CCDC25: variants seen among roughly 807,000 people sequenced by gnomAD.
CCDC25 encodes coiled-coil domain-containing protein 25.
In CCDC25, 16 loss-of-function variants were observed where a neutral mutation model predicts 35.3. That is an observed-to-expected ratio of 0.45 (90% CI 0.31 to 0.69). The LOEUF is 0.69. CCDC25 is among the 30% of genes least tolerant of loss of function. The probability of loss-of-function intolerance (pLI) is 0.06; values close to 1 mark genes in which losing one functional copy is unlikely to be tolerated. For synonymous variants in CCDC25, 79 were observed against 80.3 expected, an observed-to-expected ratio of 0.98 and a Z score of 0.09; for missense variants, 179 against 250.7, an observed-to-expected ratio of 0.71 and a Z score of 1.93.
At position 27,739,166 on chromosome 8, in the gene CCDC25, T is replaced by C. The variant is rs141159028; in HGVS notation, c.597+1306A>G. 3.1e-3 allele frequency among the ~76,000 whole-genome samples: 477 copies of C among 152,304 alleles called. 2 individuals carry two copies. The highest frequency in any genetic ancestry group is 9.3e-3 in the African/African-American group (387 of 41,574). ...CCCCACCTCAATTAGCACATGACAGTTAAGTCTCTAAACTTCAAATTCAAA... is the reference window on the plus strand; with the variant it reads ...CCCCACCTCAATTAGCACATGACAGCTAAGTCTCTAAACTTCAAATTCAAA... On this transcript the variant is annotated intron_variant, in intron 8 of 8. Coordinates refer to ENST00000356537, the MANE Select transcript of CCDC25 (RefSeq NM_018246.3).
At chr8:27,740,634 G>T in intron 7 of CCDC25, 117 bp from the exon 8 acceptor site, 1 of 777,846 alleles carries the variant, frequency 1.3e-6, no homozygotes, top group Non-Finnish European at 2.1e-6. Flanking sequence ...AAACACAAGA[G>T]CTATTAGATA....
intron 4 of CCDC25, among the ~76,000 whole-genome samples, chr8:27,755,123 C>A (rs1803953310): frequency 6.6e-6 from 1 of 152,140 alleles, no homozygotes; most frequent in Non-Finnish European, 1.5e-5. Flanking sequence ...ACAGAAGGAT[C>A]GGTCTAGATC....
chr8:27,748,663 A>G, intron 5 of CCDC25, 65 bp from the exon 6 acceptor site: 1 of 1,154,888 alleles, frequency 8.7e-7, no homozygotes, highest in African/African-American at 1.5e-5. Flanking sequence ...TCCCTTACCC[A>G]CTGGCAAACT....
intron 1 of CCDC25, among the ~76,000 whole-genome samples, chr8:27,771,292 A>T (rs1804605704): frequency 6.6e-6 from 1 of 152,178 alleles, no homozygotes; most frequent in South Asian, 2.1e-4. Flanking sequence ...CCACAGGTTT[A>T]AGTATACTCT....
At chr8:27,765,749 T>G (rs978187459) in intron 1 of CCDC25, among the ~76,000 whole-genome samples, 9 of 152,224 alleles carry the variant, frequency 5.9e-5, no homozygotes, top group Non-Finnish European at 1.2e-4. Flanking sequence ...TGCTGCATAT[T>G]CTAACAGGCT....
intron 1 of CCDC25, among the ~76,000 whole-genome samples, chr8:27,769,460 T>C (rs1804511813): frequency 6.6e-6 from 1 of 152,248 alleles, no homozygotes. Flanking sequence ...CCTGTATATT[T>C]GTTTTTCCAT....
Position 27,772,528 on chromosome 8 carries a change from A to C in CCDC25, c.13T>G (p.Phe5Val). 4 of 1,549,950 alleles carry C rather than the reference A, an allele frequency of 2.6e-6. No homozygotes were observed. Among genetic ancestry groups the C allele is most frequent in the Non-Finnish European group, 3.5e-6 (4 of 1,146,702 alleles). The change falls in exon 1 of 9, where the codon TTC (phenylalanine) becomes GTC (valine). Residue 5 changes from phenylalanine (F) to valine (V), a missense_variant. Phe to Val is a conservative substitution (Grantham distance 50, BLOSUM62 -1). Coordinates refer to ENST00000356537, the MANE Select transcript of CCDC25 (RefSeq NM_018246.3). ...GCCCACTCACCGCTGCTGCTGGTGA[A>C]GTAGAACACCATGATCCCGGGAGCG... is the stretch of plus-strand genomic sequence containing the variant. MVFY[F>V]TSSSVNSSAY...
In CCDC25 at chr8:27,748,542, T is replaced by A. The variant is rs762121706; in HGVS notation, c.301A>T (p.Thr101Ser). ...VYTPWSNLKK[T>S]ADMDVGQIGF... ...ATCTGCCCCACATCCATGTCAGCTG[T>A]TTTCTTCAGGTTAGACCACGGCGTA... Residue 101 changes from threonine to serine, a missense_variant, in exon 6 of 9, where the codon ACA becomes TCA. Physicochemically the swap from Thr to Ser is moderately conservative, Grantham distance 58. Transcript: ENST00000356537. 28 of 1,613,504 alleles carry A rather than the reference T, an allele frequency of 1.7e-5. No homozygotes were observed. Among genetic ancestry groups the A allele is most frequent in the Non-Finnish European group, 2.4e-5 (28 of 1,179,958 alleles).
intron 5 of CCDC25, among the ~76,000 whole-genome samples, chr8:27,751,570 G>A (rs950266838): frequency 2.6e-5 from 4 of 152,100 alleles, no homozygotes; most frequent in Admixed American, 6.5e-5. Context: ...CTGTGGGTCC[G>A]CCCCATGTTT....
rs1348753481 is a variant in CCDC25, at chr8:27,772,601, A to G, written c.-61T>C. On this transcript the variant is annotated 5_prime_UTR_variant, in exon 1 of 9. Coordinates refer to ENST00000356537, the MANE Select transcript of CCDC25 (RefSeq NM_018246.3). ...CAGCAGCGCTCAACTCACGAAGCTCAGGATACCAGACTCGCGGCGGCCGCC... is the reference window on the plus strand; with the variant it reads ...CAGCAGCGCTCAACTCACGAAGCTCGGGATACCAGACTCGCGGCGGCCGCC... 3 of 1,507,592 alleles carry G rather than the reference A, an allele frequency of 2.0e-6. No homozygotes were observed. The highest frequency in any genetic ancestry group is 2.0e-5 in the Admixed American group (1 of 50,014). 93.4% of individuals were successfully genotyped at this position (1,507,592 alleles called of 1,614,324 possible).
intron 7 of CCDC25, among the ~76,000 whole-genome samples, chr8:27,741,154 C>A (rs987941014): frequency 6.6e-6 from 1 of 152,206 alleles, no homozygotes; most frequent in Non-Finnish European, 1.5e-5. Flanking sequence ...GATTGCACGA[C>A]TGAACACAAT....
At position 27,735,487 on chromosome 8, in the gene CCDC25, C is replaced by T. The variant is rs553065228; in HGVS notation, c.*729G>A. 6.6e-6 allele frequency: 1 copy of T among 152,310 alleles called. No individual in the cohort carries two copies. The highest frequency in any genetic ancestry group is 2.1e-4 in the South Asian group (1 of 4,820). The allele number at this position is 152,310 out of a possible 1,614,324, so 9.4% of individuals were successfully genotyped here. A position where few individuals can be genotyped will look rare whatever the true frequency, so the allele number is the denominator to read the frequency against. On this transcript the variant is annotated 3_prime_UTR_variant, in exon 9 of 9. Coordinates refer to ENST00000356537, the MANE Select transcript of CCDC25 (RefSeq NM_018246.3). Reference sequence around the variant, plus strand: ...TACCCTCAATGCTGAGAAATTACTCCTGGGCCCAGAAGTTGTCACATAGGT... The same window carrying T: ...TACCCTCAATGCTGAGAAATTACTCTTGGGCCCAGAAGTTGTCACATAGGT...
intron 5 of CCDC25, among the ~76,000 whole-genome samples, chr8:27,749,017 C>G (rs549325770): frequency 1.3e-5 from 2 of 152,138 alleles, no homozygotes; most frequent in African/African-American, 2.4e-5. Context: ...GGGACTACCA[C>G]GAGCTAGCCG....
At chr8:27,766,292 C>G (rs1804397468) in intron 1 of CCDC25, among the ~76,000 whole-genome samples, 1 of 152,190 alleles carries the variant, frequency 6.6e-6, no homozygotes, top group Non-Finnish European at 1.5e-5. Flanking sequence ...CACACATGTA[C>G]CTGGAGCCCT....
intron 4 of CCDC25, among the ~76,000 whole-genome samples, chr8:27,756,075 G>C (rs1475304120): frequency 6.6e-6 from 1 of 152,120 alleles, no homozygotes; most frequent in East Asian, 1.9e-4. Flanking sequence ...TGTTGATGAT[G>C]GGGGAAACTA....
chr8:27,765,146 G>C, intron 2 of CCDC25, 58 bp downstream of exon 2: 8 of 1,449,126 alleles, frequency 5.5e-6, no homozygotes, highest in East Asian at 2.6e-5. Flanking sequence ...AAGGTGGTGA[G>C]TGAGAGATAA....
intron 3 of CCDC25, among the ~76,000 whole-genome samples, chr8:27,760,195 A>G (rs1379946391): frequency 6.6e-6 from 1 of 152,162 alleles, no homozygotes; most frequent in Non-Finnish European, 1.5e-5. Context: ...GAAATGAAAA[A>G]CTGAGGTCAT....
chr8:27,747,947 G>T, intron 7 of CCDC25, 130 bp downstream of exon 7: 1 of 869,390 alleles, frequency 1.2e-6, no homozygotes, highest in Non-Finnish European at 1.8e-6. Flanking sequence ...CTGATTTAAG[G>T]TTGAGCTTAA....
rs771475514 is a variant in CCDC25, at chr8:27,740,563, A to G, written c.552-46T>C. The G allele has an allele frequency of 2.6e-6, 4 of 1,540,140 alleles. No homozygotes were observed. In the Admixed American group the frequency reaches 6.8e-5, roughly 26 times the overall value. On this transcript the variant is annotated intron_variant, in intron 7 of 8. Coordinates refer to ENST00000356537, the MANE Select transcript of CCDC25 (RefSeq NM_018246.3). ...ACACACATTTAAAATATGGTGATCC[A>G]GTCAACAAATATTTGATGAACATTT... is the stretch of plus-strand genomic sequence containing the variant.
Sources: allele counts gnomAD v4.1 joint callset (sites outside exome capture counted in the v4.1 genomes callset), GRCh38; gene constraint gnomAD v4.1.1; transcripts MANE v1.5; gene names NCBI Gene and HGNC (gene_info 2026-07-23, HGNC 2026-07-21).